EPB41L5: variants seen among roughly 807,000 people sequenced by gnomAD.
EPB41L5 encodes erythrocyte membrane protein band 4.1 like 5.
A neutral mutation model predicts 106.6 loss-of-function variants in EPB41L5; 55 were observed. The ratio of observed to expected loss-of-function variants is 0.52; its 90% CI spans 0.42 to 0.65. The LOEUF is 0.65. Among genes scored for constraint, EPB41L5 ranks in the 30% least tolerant of loss-of-function variants. The pLI is 0.00. For synonymous variants in EPB41L5, 297 were observed against 306.7 expected (o/e 0.97, Z 0.33); for missense variants, 871 against 882.1 (o/e 0.99, Z 0.16).
chr2:120,051,966 G>A (rs1425024372), intron 3 of EPB41L5, among the ~76,000 whole-genome samples: 1 of 151,988 alleles, frequency 6.6e-6, no homozygotes, highest in Non-Finnish European at 1.5e-5. Context: ...AGCTGGGACT[G>A]CAGGTGCACA....
At position 120,167,474 on chromosome 2, in the gene EPB41L5, C is replaced by A; in HGVS notation, c.1971C>A (p.Ser657=). The change falls in exon 23 of 25, where the codon TCC becomes TCA. Residue 657 remains serine (S), a synonymous_variant. Transcript: ENST00000263713. ...ATATAAAATTATTTCAGGTGTCTTC[C>A]ACATCCATGATCACACCCCGGTGGA... ...IDHTVAPQVS[S]TSMITPRWIV... 6.2e-7 allele frequency: 1 copy of A among 1,613,070 alleles called. No individual in the cohort carries two copies. Among genetic ancestry groups the A allele is most frequent in the Non-Finnish European group, 8.5e-7 (1 of 1,179,228 alleles).
chr2:120,103,514 A>G (rs1057394506), intron 16 of EPB41L5, among the ~76,000 whole-genome samples: 30 of 152,290 alleles, frequency 2.0e-4, no homozygotes, highest in African/African-American at 7.0e-4. Flanking sequence ...CATTGATGTA[A>G]AATTACATGG....
In EPB41L5 at chr2:120,159,423, C is replaced by CA. The variant is rs36001495; in HGVS notation, c.1794-1438dup. 2.6e-3 allele frequency among the ~76,000 whole-genome samples: 243 copies of CA among 95,108 alleles called. 1 individual carries two copies. The highest frequency in any genetic ancestry group is 6.9e-3 in the African/African-American group (174 of 25,328). The allele number at this position is 95,108 out of a possible 152,430, so 62.4% of individuals were successfully genotyped here. On this transcript the variant is annotated intron_variant, in intron 20 of 24. Transcript: ENST00000263713. ...GGGTGAACCTAGGGAGACTCCATCT[C>CA]AAAAAAAAAAAAAAAAAAAAGTGAC...
At chr2:120,035,850 G>A (rs1158833234) in intron 2 of EPB41L5, among the ~76,000 whole-genome samples, 4 of 152,260 alleles carry the variant, frequency 2.6e-5, no homozygotes, top group Admixed American at 6.5e-5. Context: ...GGCTTCTAGT[G>A]TCCTAAGATT....
At chr2:120,039,803 C>G (rs1046267806) in intron 2 of EPB41L5, among the ~76,000 whole-genome samples, 1 of 121,200 alleles carries the variant, frequency 8.3e-6, no homozygotes, top group African/African-American at 3.2e-5. Context: ...CCAGTCTGGG[C>G]AACAAGAGTG....
chr2:120,148,437 A>G (rs771746878), intron 20 of EPB41L5, among the ~76,000 whole-genome samples: 2 of 151,986 alleles, frequency 1.3e-5, no homozygotes, highest in Non-Finnish European at 2.9e-5. Flanking sequence ...CATACTCACT[A>G]GGATGAGTAT....
intron 3 of EPB41L5, among the ~76,000 whole-genome samples, chr2:120,055,672 C>T (rs1680604606): frequency 6.6e-6 from 1 of 151,380 alleles, no homozygotes; most frequent in Non-Finnish European, 1.5e-5. Flanking sequence ...AGTCTCACTT[C>T]CTTGGTTAAA....
chr2:120,042,995 ATGTGTGTGTGTGTGTGTGTG>A (rs60253351), intron 3 of EPB41L5, among the ~76,000 whole-genome samples: 53 of 70,124 alleles, frequency 7.6e-4, no homozygotes, highest in Non-Finnish European at 1.5e-3. Flanking sequence ...TTTTCTGGAA[ATGTGTGTGTGTGTGTGTGTG>A]TGTGTGTGTG....
intron 1 of EPB41L5, among the ~76,000 whole-genome samples, chr2:120,014,620 A>C (rs1374783046): frequency 6.6e-6 from 1 of 152,244 alleles, no homozygotes; most frequent in African/African-American, 2.4e-5. Context: ...AGACATTTCA[A>C]CTATAAGTCT....
Position 120,167,515 on chromosome 2 carries a change from C to A in EPB41L5, c.2004+8C>A. The A allele has an allele frequency of 6.2e-7, 1 of 1,613,576 alleles. No homozygotes were observed. The highest frequency in any genetic ancestry group is 2.2e-5 in the East Asian group (1 of 44,860). On this transcript the variant is annotated splice_region_variant and intron_variant, in intron 23 of 24. Coordinates refer to ENST00000263713, the MANE Select transcript of EPB41L5 (RefSeq NM_020909.4). ...CCCCGGTGGATTGTTCCGGTAAGTT[C>A]ATGTTATTTGTGATTTTTCTTCTGG...
intron 7 of EPB41L5, among the ~76,000 whole-genome samples, chr2:120,076,556 T>C (rs1384195583): frequency 7.7e-6 from 1 of 130,082 alleles, no homozygotes; most frequent in East Asian, 2.6e-4. Context: ...ACCTCAGCCC[T>C]CCCAAAGTAC....
intron 13 of EPB41L5, among the ~76,000 whole-genome samples, chr2:120,092,935 G>A (rs1355916065): frequency 2.6e-5 from 4 of 152,212 alleles, no homozygotes; most frequent in Non-Finnish European, 4.4e-5. Context: ...TTGGTGAATT[G>A]AAGGTTTTTA....
At chr2:120,050,901 G>A (rs1680212170) in intron 3 of EPB41L5, among the ~76,000 whole-genome samples, 1 of 152,228 alleles carries the variant, frequency 6.6e-6, no homozygotes, top group Non-Finnish European at 1.5e-5. Flanking sequence ...CTGCAGGTCT[G>A]TTGGAGTTTG....
chr2:120,144,242 T>C (rs1686305122), intron 19 of EPB41L5, among the ~76,000 whole-genome samples: 5 of 152,174 alleles, frequency 3.3e-5, no homozygotes, highest in Admixed American at 2.0e-4. Context: ...AGGGAACTTA[T>C]TTAACCCTTC....
intron 18 of EPB41L5, among the ~76,000 whole-genome samples, chr2:120,141,226 G>A (rs1298320591): frequency 6.6e-6 from 1 of 152,072 alleles, no homozygotes; most frequent in African/African-American, 2.4e-5. Flanking sequence ...GCAGACGAGT[G>A]GAATGACAAG....
At chr2:120,083,986 A>G (rs180681526) in intron 10 of EPB41L5, among the ~76,000 whole-genome samples, 23 of 152,138 alleles carry the variant, frequency 1.5e-4, no homozygotes, top group Non-Finnish European at 2.9e-5. Flanking sequence ...TTTTGAGCCT[A>G]TGTGTGTCTC....
intron 3 of EPB41L5, among the ~76,000 whole-genome samples, chr2:120,051,236 A>C (rs1029104582): frequency 6.6e-6 from 1 of 152,214 alleles, no homozygotes; most frequent in Non-Finnish European, 1.5e-5. Context: ...TTATTCGGCT[A>C]TGCCCTGCCC....
chr2:120,102,708 C>G (rs1684221451), intron 16 of EPB41L5, among the ~76,000 whole-genome samples: 2 of 152,174 alleles, frequency 1.3e-5, no homozygotes, highest in Admixed American at 6.5e-5. Flanking sequence ...ACTCCCTGTT[C>G]AAGTCTTCAG....
Position 120,077,021 on chromosome 2 carries a change from G to C in EPB41L5, c.556G>C (p.Glu186Gln). The change falls in exon 8 of 25, where the codon GAG becomes CAG. Residue 186 changes from glutamate (E) to glutamine (Q), a missense_variant. Physicochemically the swap from Glu to Gln is conservative, Grantham distance 29. Transcript: ENST00000263713. ...TGAGCATAGTCCTGAACTTGTCTCA[G>C]AGTTCAGATTCGTGCCTATTCAGAC... ...LAEHSPELVSEFRFVPIQTEE... is the reference protein window; with the variant it reads ...LAEHSPELVSQFRFVPIQTEE... 1 of 1,612,478 alleles carries C rather than the reference G, an allele frequency of 6.2e-7. No homozygotes were observed. The highest frequency in any genetic ancestry group is 1.1e-5 in the South Asian group (1 of 90,922).
Sources: gnomAD v4.1 joint callset for allele counts (sites outside exome capture counted in the v4.1 genomes callset) on GRCh38, gnomAD v4.1.1 for gene constraint, MANE v1.5 for transcripts, NCBI Gene and HGNC (gene_info 2026-07-23, HGNC 2026-07-21) for gene names.